Variants in KCND2 observed in about 807,000 individuals in gnomAD.
KCND2 encodes the protein A-type voltage-gated potassium channel KCND2.
KCND2 carries 16 observed loss-of-function variants against 54.4 expected under a neutral mutation model. That is an observed-to-expected ratio of 0.29 (90% CI 0.20 to 0.45). The LOEUF is 0.45. KCND2 is among the 20% of genes least tolerant of loss of function. KCND2 has a pLI of 1.00. For missense variants in KCND2, 486 were observed against 824.2 expected (o/e 0.59, Z 5.02); for synonymous variants, 317 against 310.7 (o/e 1.02, Z -0.21).
chr7:120,542,497 T>C (rs1311375789), intron 1 of KCND2, among the ~76,000 whole-genome samples: 3 of 152,084 alleles, frequency 2.0e-5, no homozygotes, highest in Non-Finnish European at 2.9e-5. Flanking sequence ...CCCTTATAAG[T>C]CTCCCAACTT....
chr7:120,598,069 C>CA (rs1423871353), intron 1 of KCND2, among the ~76,000 whole-genome samples: 3 of 148,478 alleles, frequency 2.0e-5, no homozygotes, highest in African/African-American at 5.0e-5. Context: ...ACCATTAACC[C>CA]AAAAAAACTA....
At chr7:120,436,934 G>C (rs1801875345) in intron 1 of KCND2, among the ~76,000 whole-genome samples, 1 of 152,124 alleles carries the variant, frequency 6.6e-6, no homozygotes, top group Admixed American at 6.5e-5. Flanking sequence ...TTTCAGTATG[G>C]AGACTTGATC....
chr7:120,678,372 T>TATATATAC (rs1554385180), intron 1 of KCND2, among the ~76,000 whole-genome samples: 13 of 133,496 alleles, frequency 9.7e-5, no homozygotes, highest in African/African-American at 3.2e-4. Context: ...TATATATATA[T>TATATATAC]ACGCACACAC....
At chr7:120,352,469 C>A (rs867209767) in intron 1 of KCND2, among the ~76,000 whole-genome samples, 3 of 141,052 alleles carry the variant, frequency 2.1e-5, no homozygotes, top group Non-Finnish European at 3.3e-5. Flanking sequence ...TACACACACA[C>A]ACACACACAC....
intron 1 of KCND2, among the ~76,000 whole-genome samples, chr7:120,570,570 T>G (rs1157743810): frequency 1.3e-5 from 2 of 152,186 alleles, no homozygotes; most frequent in African/African-American, 4.8e-5. Flanking sequence ...CTTCGTGTAA[T>G]TTTTGCATTT....
At chr7:120,407,718 AAATAT>A (rs945446087) in intron 1 of KCND2, among the ~76,000 whole-genome samples, 2 of 150,546 alleles carry the variant, frequency 1.3e-5, no homozygotes, top group African/African-American at 2.4e-5. Flanking sequence ...TATAATATAA[AAATAT>A]AATAATATAA....
chr7:120,385,872 A>G (rs1010541799), intron 1 of KCND2, among the ~76,000 whole-genome samples: 2 of 152,120 alleles, frequency 1.3e-5, no homozygotes, highest in Non-Finnish European at 2.9e-5. Flanking sequence ...GCCGTTCTTC[A>G]TTGAGCTCTT....
chr7:120,715,970 G>A (rs1195194585), intron 1 of KCND2, among the ~76,000 whole-genome samples: 2 of 151,708 alleles, frequency 1.3e-5, no homozygotes, highest in African/African-American at 2.4e-5. Context: ...TTTTTTTAAT[G>A]TGAAATTTTT....
At chr7:120,520,320 A>T (rs973482082) in intron 1 of KCND2, among the ~76,000 whole-genome samples, 21 of 152,252 alleles carry the variant, frequency 1.4e-4, no homozygotes, top group Admixed American at 2.0e-4. Context: ...AAGAAAAAAT[A>T]AAAAAAGTTA....
intron 1 of KCND2, among the ~76,000 whole-genome samples, chr7:120,393,423 A>T (rs892309033): frequency 4.6e-5 from 7 of 152,008 alleles, no homozygotes; most frequent in African/African-American, 1.7e-4. Flanking sequence ...TGGAAAGATA[A>T]CTTTTTGGTA....
At position 120,702,646 on chromosome 7, in the gene KCND2, TG is replaced by T. The variant is rs371622853; in HGVS notation, c.1116-30255del. On this transcript the variant is annotated intron_variant, in intron 1 of 5. Coordinates refer to ENST00000331113, the MANE Select transcript of KCND2 (RefSeq NM_012281.3). Reference sequence around the variant, plus strand: ...TGAGATCATGTTCTTTGCAGGAACATGGATGGAGCTGGAGGTCATTATCCTT... The same window carrying T: ...TGAGATCATGTTCTTTGCAGGAACATGATGGAGCTGGAGGTCATTATCCTT... Among the ~76,000 whole-genome samples the T allele has an allele frequency of 2.1e-4, 32 of 152,224 alleles. 1 individual carries two copies. In the Middle Eastern group the frequency reaches 0.01, roughly 49 times the overall value.
chr7:120,301,266 A>G (rs1799582176), intron 1 of KCND2, among the ~76,000 whole-genome samples: 1 of 152,086 alleles, frequency 6.6e-6, no homozygotes. Flanking sequence ...AGTCTATGCC[A>G]CTCTTTCACT....
chr7:120,445,327 T>G (rs549250635), intron 1 of KCND2, among the ~76,000 whole-genome samples: 5 of 152,312 alleles, frequency 3.3e-5, no homozygotes, highest in African/African-American at 1.2e-4. Flanking sequence ...AATTTCAGGA[T>G]GGACTACATA....
At chr7:120,662,739 C>T (rs1791881689) in intron 1 of KCND2, among the ~76,000 whole-genome samples, 1 of 152,132 alleles carries the variant, frequency 6.6e-6, no homozygotes, top group African/African-American at 2.4e-5. Flanking sequence ...AAATCAACTA[C>T]CAAAACAAAA....
At chr7:120,287,802 C>T (rs1378963293) in intron 1 of KCND2, among the ~76,000 whole-genome samples, 7 of 152,036 alleles carry the variant, frequency 4.6e-5, no homozygotes, top group African/African-American at 1.7e-4. Flanking sequence ...CGAGATTGCG[C>T]CCCACACTCC....
chr7:120,348,690 C>G (rs1300767377), intron 1 of KCND2, among the ~76,000 whole-genome samples: 1 of 152,182 alleles, frequency 6.6e-6, no homozygotes, highest in Admixed American at 6.5e-5. Context: ...AAGCTATGAC[C>G]TCATGATGGT....
chr7:120,602,718 T>C (rs1792830112), intron 1 of KCND2, among the ~76,000 whole-genome samples: 1 of 152,228 alleles, frequency 6.6e-6, no homozygotes, highest in Non-Finnish European at 1.5e-5. Flanking sequence ...GAGGATTGAA[T>C]GTCCAAACTT....
chr7:120,590,852 T>C (rs531714143), intron 1 of KCND2, among the ~76,000 whole-genome samples: 2 of 152,328 alleles, frequency 1.3e-5, no homozygotes, highest in South Asian at 4.1e-4. Context: ...TAGATCCTTG[T>C]CTAGGATAAC....
chr7:120,613,729 T>C (rs922176697), intron 1 of KCND2, among the ~76,000 whole-genome samples: 1 of 152,190 alleles, frequency 6.6e-6, no homozygotes, highest in Non-Finnish European at 1.5e-5. Flanking sequence ...TCTTAGGTCC[T>C]TTGTCATTTT....
Sources: allele counts gnomAD v4.1 joint callset (sites outside exome capture counted in the v4.1 genomes callset), GRCh38; gene constraint gnomAD v4.1.1; transcripts MANE v1.5; gene names NCBI Gene and HGNC (gene_info 2026-07-23, HGNC 2026-07-21).